TEK: variants seen among roughly 807,000 people sequenced by gnomAD.
TEK encodes the protein TEK receptor tyrosine kinase.
TEK carries 43 observed loss-of-function variants against 131.8 expected under a neutral mutation model. That is an observed-to-expected ratio of 0.33 (90% CI 0.26 to 0.42). TEK has a LOEUF of 0.42. Among genes scored for constraint, TEK ranks in the 10% least tolerant of loss-of-function variants. The pLI is 1.00. For synonymous variants in TEK, 580 were observed against 491.6 expected (o/e 1.18, Z -2.38); for missense variants, 1,162 against 1,384.4 (o/e 0.84, Z 2.55).
chr9:27,173,190 A>T (rs1469693809), intron 5 of TEK, 32 bp from the exon 6 acceptor site: 1 of 1,613,684 alleles, frequency 6.2e-7, no homozygotes, highest in Non-Finnish European at 8.5e-7. Flanking sequence ...TGCATATTTG[A>T]CTCTGAATCA....
intron 1 of TEK, among the ~76,000 whole-genome samples, chr9:27,143,106 T>C (rs1358205086): frequency 1.3e-5 from 2 of 152,214 alleles, no homozygotes; most frequent in South Asian, 4.1e-4. Flanking sequence ...AAAGCTGGGC[T>C]TCTGTTTCTT....
intron 21 of TEK, among the ~76,000 whole-genome samples, chr9:27,225,077 A>G (rs1826258705): frequency 6.6e-6 from 1 of 152,214 alleles, no homozygotes; most frequent in African/African-American, 2.4e-5. Context: ...TTCAAGGAGA[A>G]CTACAAACCA....
At chr9:27,119,990 T>C (rs1821721524) in intron 1 of TEK, among the ~76,000 whole-genome samples, 1 of 152,178 alleles carries the variant, frequency 6.6e-6, no homozygotes, top group South Asian at 2.1e-4. Context: ...CACCTTCCTT[T>C]AGTCTCCATT....
chr9:27,196,946 T>A (rs1053655636), intron 11 of TEK, among the ~76,000 whole-genome samples: 2 of 152,010 alleles, frequency 1.3e-5, no homozygotes, highest in Admixed American at 1.3e-4. Flanking sequence ...ACGTGCCATG[T>A]TGGTGTGCTG....
chr9:27,213,973 A>C (rs554778737), intron 18 of TEK, among the ~76,000 whole-genome samples: 1 of 152,238 alleles, frequency 6.6e-6, no homozygotes, highest in Non-Finnish European at 1.5e-5. Context: ...CATATTTTCC[A>C]AAAGTCAAGA....
chr9:27,226,738 G>C (rs918767524), intron 21 of TEK, among the ~76,000 whole-genome samples: 1 of 151,996 alleles, frequency 6.6e-6, no homozygotes, highest in African/African-American at 2.4e-5. Flanking sequence ...AAAAAATAAA[G>C]ATACATTTTC....
intron 18 of TEK, among the ~76,000 whole-genome samples, chr9:27,216,527 G>A (rs1029635727): frequency 2.6e-5 from 4 of 152,148 alleles, no homozygotes; most frequent in Non-Finnish European, 5.9e-5. Flanking sequence ...GGGTGGTGTG[G>A]ACAGAGAGTG....
chr9:27,188,938 G>A (rs962576175), intron 9 of TEK, among the ~76,000 whole-genome samples: 22 of 152,268 alleles, frequency 1.4e-4, no homozygotes, highest in African/African-American at 5.1e-4. Flanking sequence ...CTGGAGTGGT[G>A]ACTGTAATTT....
chr9:27,197,624 C>G (rs780445314), intron 12 of TEK, 25 bp downstream of exon 12: 7 of 1,613,160 alleles, frequency 4.3e-6, no homozygotes, highest in African/African-American at 1.3e-5. Flanking sequence ...CTGCTCCAGC[C>G]TCATCTGAGC....
At chr9:27,172,372 C>T (rs1823989231) in intron 4 of TEK, among the ~76,000 whole-genome samples, 1 of 152,182 alleles carries the variant, frequency 6.6e-6, no homozygotes, top group South Asian at 2.1e-4. Context: ...CTCTGGGAAG[C>T]CTTCCTTTAT....
At chr9:27,111,563 G>A (rs890736057) in intron 1 of TEK, among the ~76,000 whole-genome samples, 3 of 148,836 alleles carry the variant, frequency 2.0e-5, no homozygotes, top group Non-Finnish European at 3.0e-5. Context: ...TTTTTTTAGT[G>A]AAGGTGGCTC....
At position 27,172,716 on chromosome 9, in the gene TEK, TC is replaced by T; in HGVS notation, c.731del (p.Pro244LeufsTer105). On this transcript the variant is annotated frameshift_variant, in exon 5 of 23. Coordinates refer to ENST00000380036, the MANE Select transcript of TEK (RefSeq NM_000459.5). LOFTEE classifies it high-confidence loss of function. ...HEDTGECICP[P>X]GFMGRTCEKA... is the part of the protein sequence containing the mutation. ...AAGATACTGGAGAATGCATTTGCCCTCCTGGGTTTATGGGAAGGACGTGTGA... is the reference window on the plus strand; with the variant it reads ...AAGATACTGGAGAATGCATTTGCCCTCTGGGTTTATGGGAAGGACGTGTGA... 1.9e-6 allele frequency: 3 copies of T among 1,613,666 alleles called. No individual in the cohort carries two copies. Among genetic ancestry groups the T allele is most frequent in the Non-Finnish European group, 2.5e-6 (3 of 1,179,668 alleles).
chr9:27,110,731 G>A (rs2782429), intron 1 of TEK, among the ~76,000 whole-genome samples: 142,040 of 152,228 alleles, frequency 0.93, 67,017 homozygotes, highest in East Asian at 1. Flanking sequence ...GTTGAATACA[G>A]TTTGTTTTAT....
At chr9:27,122,434 T>C (rs1821827056) in intron 1 of TEK, among the ~76,000 whole-genome samples, 1 of 152,048 alleles carries the variant, frequency 6.6e-6, no homozygotes, top group Non-Finnish European at 1.5e-5. Context: ...TGGGATAAAA[T>C]GTTTAAGAGA....
chr9:27,201,327 T>G (rs1294228708), intron 12 of TEK, among the ~76,000 whole-genome samples: 2 of 152,190 alleles, frequency 1.3e-5, no homozygotes, highest in African/African-American at 4.8e-5. Context: ...TAAAAGACAC[T>G]GCTGCTTTTT....
At chr9:27,200,726 C>T (rs1033830514) in intron 12 of TEK, among the ~76,000 whole-genome samples, 6 of 152,024 alleles carry the variant, frequency 3.9e-5, no homozygotes, top group Non-Finnish European at 8.8e-5. Context: ...TTAGATTTGG[C>T]GTATCACCCC....
intron 11 of TEK, among the ~76,000 whole-genome samples, chr9:27,196,635 G>A (rs538009427): frequency 3.3e-5 from 5 of 152,218 alleles, no homozygotes; most frequent in South Asian, 4.2e-4. Flanking sequence ...TCTGCATGCC[G>A]TATAGGAAGC....
Position 27,206,796 on chromosome 9 carries a change from A to G in TEK, c.2575+4A>G, listed in dbSNP as rs779970349. Reference sequence around the variant, plus strand: ...GCTGCCATCAAAAGAATGAAAGGTCAGTGGTTGACCAGATAGAGTCAGCAT... The same window carrying G: ...GCTGCCATCAAAAGAATGAAAGGTCGGTGGTTGACCAGATAGAGTCAGCAT... On this transcript the variant is annotated splice_donor_region_variant and intron_variant, in intron 15 of 22. Coordinates refer to ENST00000380036, the MANE Select transcript of TEK (RefSeq NM_000459.5). The G allele has an allele frequency of 1.9e-6, 3 of 1,613,484 alleles. No individual in the cohort carries two copies. The highest frequency in any genetic ancestry group is 1.7e-4 in the Middle Eastern group (1 of 6,048).
intron 1 of TEK, among the ~76,000 whole-genome samples, chr9:27,155,786 A>C (rs543153364): frequency 6.6e-6 from 1 of 151,220 alleles, no homozygotes; most frequent in South Asian, 2.1e-4. Flanking sequence ...AATATGGGCA[A>C]GGAGGTCAGT....
Sources: gnomAD v4.1 joint callset for allele counts (sites outside exome capture counted in the v4.1 genomes callset) on GRCh38, gnomAD v4.1.1 for gene constraint, MANE v1.5 for transcripts, NCBI Gene and HGNC (gene_info 2026-07-23, HGNC 2026-07-21) for gene names.